Variants in MDGA2 observed in about 807,000 individuals in gnomAD.
MDGA2 encodes MAM domain containing glycosylphosphatidylinositol anchor 2.
Under a neutral mutation model 117.8 loss-of-function variants are expected in MDGA2, and 40 were observed. The observed-to-expected ratio is 0.34, with a 90% CI of 0.26 to 0.44. The LOEUF (loss-of-function observed/expected upper bound fraction) is 0.44. Ranked by LOEUF, MDGA2 falls within the 20% of genes least tolerant of loss-of-function variation. The pLI is 1.00. For synonymous variants in MDGA2, 452 were observed against 439.0 expected, an observed-to-expected ratio of 1.03 and a Z score of -0.37; for missense variants, 1,123 against 1,250.6, an observed-to-expected ratio of 0.90 and a Z score of 1.54.
chr14:47,434,702 A>G (rs1186111233), intron 1 of MDGA2, among the ~76,000 whole-genome samples: 1 of 152,284 alleles, frequency 6.6e-6, no homozygotes, highest in East Asian at 1.9e-4. Flanking sequence ...ATGGGCTAAT[A>G]TAATTTTCAC....
intron 1 of MDGA2, among the ~76,000 whole-genome samples, chr14:47,508,352 A>ACTGTCTCTCTCT (rs1555328277): frequency 7.5e-6 from 1 of 132,762 alleles, no homozygotes; most frequent in African/African-American, 2.9e-5. Context: ...TTGCTGATTG[A>ACTGTCTCTCTCT]CTCTCTCTCT....
chr14:47,530,091 G>A (rs1021167045), intron 1 of MDGA2, among the ~76,000 whole-genome samples: 12 of 152,154 alleles, frequency 7.9e-5, no homozygotes, highest in Non-Finnish European at 2.9e-5. Flanking sequence ...TAGTCAGGGA[G>A]GTTTCACATC....
chr14:47,454,097 T>G (rs1893296180), intron 1 of MDGA2, among the ~76,000 whole-genome samples: 1 of 152,312 alleles, frequency 6.6e-6, no homozygotes, highest in African/African-American at 2.4e-5. Flanking sequence ...GCTACTAGAA[T>G]TGTGAAAACG....
chr14:46,998,019 G>GA (rs1462037806), intron 8 of MDGA2, among the ~76,000 whole-genome samples: 1 of 150,034 alleles, frequency 6.7e-6, no homozygotes, highest in Non-Finnish European at 1.5e-5. Flanking sequence ...AATATCATCA[G>GA]AAAAAAAATA....
chr14:46,954,344 T>C lies in MDGA2; in HGVS notation c.2089+3030A>G, dbSNP rs111363615. Among the ~76,000 whole-genome samples the C allele has an allele frequency of 4.1e-3, 624 of 152,090 alleles. 5 individuals are homozygous for C. Among genetic ancestry groups the C allele is most frequent in the African/African-American group, 0.014 (588 of 41,502 alleles). ...TTTTTAACAGCAGGGTTCTTTGAAA[T>C]AGTGAGTTGTAAAGTGTATTTGTTA... On this transcript the variant is annotated intron_variant, in intron 9 of 16. Coordinates refer to ENST00000399232, the MANE Select transcript of MDGA2 (RefSeq NM_001113498.3).
intron 1 of MDGA2, among the ~76,000 whole-genome samples, chr14:47,467,420 A>G (rs1292623513): frequency 6.6e-6 from 1 of 152,106 alleles, no homozygotes; most frequent in East Asian, 1.9e-4. Flanking sequence ...TATCCAATAA[A>G]AGTTCTTGAT....
intron 6 of MDGA2, among the ~76,000 whole-genome samples, chr14:47,086,082 T>C (rs1281320868): frequency 6.7e-6 from 1 of 148,568 alleles, no homozygotes; most frequent in Admixed American, 6.8e-5. Flanking sequence ...TTATGGACTT[T>C]CAATGTGTAA....
rs142921274 is a variant in MDGA2, at chr14:47,645,687, C to G, written c.280+28830G>C. Among the ~76,000 whole-genome samples the G allele has an allele frequency of 3.1e-3, 469 of 152,078 alleles. 2 individuals carry two copies. The highest frequency in any genetic ancestry group is 4.2e-3 in the Non-Finnish European group (287 of 68,008). On this transcript the variant is annotated intron_variant, in intron 1 of 16. Coordinates refer to ENST00000399232, the MANE Select transcript of MDGA2 (RefSeq NM_001113498.3). ...AGATTTCATAAAACTAGTACCAGCA[C>G]TAACAAAAATGCTTACAACTGATCA...
chr14:47,298,417 A>G (rs28561821), intron 2 of MDGA2, among the ~76,000 whole-genome samples: 1,767 of 152,272 alleles, frequency 0.012, 27 homozygotes, highest in African/African-American at 0.04. Flanking sequence ...TCTTACTGCT[A>G]CAAGAATAGG....
chr14:47,049,361 A>G (rs1889374431), intron 7 of MDGA2, among the ~76,000 whole-genome samples: 1 of 151,998 alleles, frequency 6.6e-6, no homozygotes, highest in Admixed American at 6.6e-5. Context: ...AGTCCCTTAT[A>G]TAAAATGGCA....
At chr14:47,262,887 G>C (rs1214774479) in intron 2 of MDGA2, among the ~76,000 whole-genome samples, 1 of 152,040 alleles carries the variant, frequency 6.6e-6, no homozygotes, top group Non-Finnish European at 1.5e-5. Flanking sequence ...AAATGTCATA[G>C]CCAAAGAATG....
intron 5 of MDGA2, among the ~76,000 whole-genome samples, chr14:47,098,131 C>T (rs112376954): frequency 1.3e-5 from 2 of 151,116 alleles, no homozygotes; most frequent in Non-Finnish European, 3.0e-5. Flanking sequence ...CAATCTACAT[C>T]GGAAATATTT....
chr14:47,340,913 C>T (rs370258994), intron 1 of MDGA2, among the ~76,000 whole-genome samples: 16 of 152,224 alleles, frequency 1.1e-4, no homozygotes, highest in African/African-American at 3.9e-4. Flanking sequence ...ATTCATCCCG[C>T]TTTGTTATGC....
chr14:46,889,966 C>T (rs1399121937), intron 10 of MDGA2, among the ~76,000 whole-genome samples: 1 of 152,018 alleles, frequency 6.6e-6, no homozygotes, highest in Non-Finnish European at 1.5e-5. Context: ...CTTTCTTTAT[C>T]AGGGAATATA....
At chr14:46,948,468 T>C (rs1027894316) in intron 9 of MDGA2, among the ~76,000 whole-genome samples, 1 of 151,954 alleles carries the variant, frequency 6.6e-6, no homozygotes, top group African/African-American at 2.4e-5. Context: ...ACTCTTCAGT[T>C]TTCTCCCTCC....
chr14:47,291,725 G>T (rs898074557), intron 2 of MDGA2, among the ~76,000 whole-genome samples: 2 of 152,150 alleles, frequency 1.3e-5, no homozygotes, highest in African/African-American at 2.4e-5. Flanking sequence ...CACATCACTA[G>T]CCTGGGAAAC....
intron 12 of MDGA2, among the ~76,000 whole-genome samples, chr14:46,876,204 A>T (rs1882222496): frequency 6.6e-6 from 1 of 151,552 alleles, no homozygotes; most frequent in Non-Finnish European, 1.5e-5. Flanking sequence ...AAGGACATAT[A>T]TCTTTACAAT....
intron 3 of MDGA2, among the ~76,000 whole-genome samples, chr14:47,193,540 G>A (rs2139414505): frequency 6.6e-6 from 1 of 152,230 alleles, no homozygotes; most frequent in East Asian, 1.9e-4. Flanking sequence ...ATCTCTCAAT[G>A]TATATAAGTT....
intron 2 of MDGA2, among the ~76,000 whole-genome samples, chr14:47,290,754 G>T (rs1594776187): frequency 6.6e-6 from 1 of 151,240 alleles, no homozygotes; most frequent in South Asian, 2.1e-4. Flanking sequence ...ATAATCCCAG[G>T]GAAACCATGT....
Sources: allele counts gnomAD v4.1 joint callset (sites outside exome capture counted in the v4.1 genomes callset), GRCh38; gene constraint gnomAD v4.1.1; transcripts MANE v1.5; gene names NCBI Gene and HGNC (gene_info 2026-07-23, HGNC 2026-07-21).